Variants in KHDRBS3 observed in about 807,000 individuals in gnomAD.
The protein encoded by KHDRBS3 is KH RNA binding domain containing, signal transduction associated 3, also known as KH domain-containing, RNA-binding, signal transduction-associated protein 3.
A neutral mutation model predicts 45.6 loss-of-function variants in KHDRBS3; 23 were observed. That is an observed-to-expected ratio of 0.50 (90% CI 0.36 to 0.72). KHDRBS3 has a LOEUF of 0.72. Ranked by LOEUF, KHDRBS3 falls within the 30% of genes least tolerant of loss-of-function variation. The pLI, the probability that KHDRBS3 is intolerant of heterozygous loss-of-function variation, is 0.00. For synonymous variants in KHDRBS3, 162 were observed against 156.5 expected (o/e 1.04, Z -0.26); for missense variants, 352 against 424.8 (o/e 0.83, Z 1.51).
chr8:135,535,129 G>C (rs907083195), intron 2 of KHDRBS3, among the ~76,000 whole-genome samples: 10 of 151,794 alleles, frequency 6.6e-5, no homozygotes, highest in Non-Finnish European at 1.3e-4. Context: ...GAACTTTTCT[G>C]TCCCTAATTT....
At chr8:135,564,018 A>C (rs529005079) in intron 5 of KHDRBS3, among the ~76,000 whole-genome samples, 1 of 152,336 alleles carries the variant, frequency 6.6e-6, no homozygotes, top group South Asian at 2.1e-4. Context: ...TTAAGTGAGA[A>C]CATTAGGCTA....
chr8:135,520,636 G>A (rs1298279889), intron 1 of KHDRBS3, among the ~76,000 whole-genome samples: 2 of 152,140 alleles, frequency 1.3e-5, no homozygotes, highest in African/African-American at 4.8e-5. Context: ...GCACAGAAAA[G>A]GAGATTTAAT....
At chr8:135,548,941 G>C in intron 4 of KHDRBS3, 41 bp downstream of exon 4, 1 of 1,442,112 alleles carries the variant, frequency 6.9e-7, no homozygotes, top group Admixed American at 2.3e-5. Flanking sequence ...GTACTTTAAA[G>C]TCTTTGCTTT....
chr8:135,595,269 A>G (rs532589993), intron 6 of KHDRBS3, among the ~76,000 whole-genome samples: 1 of 152,160 alleles, frequency 6.6e-6, no homozygotes, highest in Non-Finnish European at 1.5e-5. Flanking sequence ...TGATCTGAGC[A>G]TTGGTTACTT....
chr8:135,484,928 G>T (rs1447849191), intron 1 of KHDRBS3, among the ~76,000 whole-genome samples: 1 of 152,098 alleles, frequency 6.6e-6, no homozygotes, highest in Non-Finnish European at 1.5e-5. Flanking sequence ...TTATTTTATA[G>T]ATGCTATTTG....
intron 1 of KHDRBS3, among the ~76,000 whole-genome samples, chr8:135,503,619 G>T (rs890483022): frequency 6.6e-5 from 10 of 151,564 alleles, no homozygotes. Context: ...CTCAGCTAGT[G>T]AGGTAGTAGG....
At chr8:135,588,918 T>G (rs965528911) in intron 6 of KHDRBS3, among the ~76,000 whole-genome samples, 1 of 152,148 alleles carries the variant, frequency 6.6e-6, no homozygotes, top group African/African-American at 2.4e-5. Context: ...TCCCCAGAGT[T>G]TCTTGTTAAG....
intron 7 of KHDRBS3, among the ~76,000 whole-genome samples, chr8:135,615,129 T>C (rs1430275312): frequency 2.0e-5 from 3 of 151,624 alleles, no homozygotes; most frequent in Non-Finnish European, 4.4e-5. Flanking sequence ...ATGGGTGGCG[T>C]GTTCTTGCTA....
At chr8:135,559,560 A>G (rs1158415124) in intron 5 of KHDRBS3, among the ~76,000 whole-genome samples, 1 of 151,914 alleles carries the variant, frequency 6.6e-6, no homozygotes, top group Non-Finnish European at 1.5e-5. Flanking sequence ...ACGGGGTTTC[A>G]CCCTGTTGGC....
chr8:135,615,523 C>A (rs1291943046), intron 7 of KHDRBS3, among the ~76,000 whole-genome samples: 1 of 152,028 alleles, frequency 6.6e-6, no homozygotes, highest in Non-Finnish European at 1.5e-5. Flanking sequence ...ATTTTCATTC[C>A]ATTATACTAG....
chr8:135,477,219 G>A (rs934031723), intron 1 of KHDRBS3, among the ~76,000 whole-genome samples: 3 of 152,040 alleles, frequency 2.0e-5, no homozygotes, highest in Admixed American at 2.0e-4. Flanking sequence ...TTGTTTTGTA[G>A]ATAATAAAAC....
chr8:135,487,429 A>G (rs1822918015), intron 1 of KHDRBS3, among the ~76,000 whole-genome samples: 1 of 152,192 alleles, frequency 6.6e-6, no homozygotes, highest in South Asian at 2.1e-4. Flanking sequence ...GCAGATACTG[A>G]ACTCTGGGCT....
intron 1 of KHDRBS3, among the ~76,000 whole-genome samples, chr8:135,483,383 G>T (rs1273423447): frequency 6.6e-6 from 1 of 152,100 alleles, no homozygotes; most frequent in Admixed American, 6.5e-5. Context: ...TGCCATTAGT[G>T]GTTTGTTGTG....
chr8:135,584,480 C>T (rs1828368717), intron 6 of KHDRBS3, among the ~76,000 whole-genome samples: 2 of 152,180 alleles, frequency 1.3e-5, no homozygotes, highest in Admixed American at 6.5e-5. Context: ...TTATAGCTTT[C>T]CCACTTAATT....
At chr8:135,470,089 G>A (rs140525158) in intron 1 of KHDRBS3, among the ~76,000 whole-genome samples, 180 of 152,196 alleles carry the variant, frequency 1.2e-3, no homozygotes, top group African/African-American at 3.7e-3. Context: ...CAGGCTATTC[G>A]TCTTCCTCTC....
intron 1 of KHDRBS3, among the ~76,000 whole-genome samples, chr8:135,504,692 T>C (rs1356151392): frequency 6.6e-6 from 1 of 152,228 alleles, no homozygotes; most frequent in Non-Finnish European, 1.5e-5. Flanking sequence ...ATAGGTATGC[T>C]TCTCAAGGTA....
intron 8 of KHDRBS3, 85 bp from the exon 9 acceptor site, chr8:135,646,908 G>T (rs1831312959): frequency 1.3e-6 from 1 of 771,140 alleles, no homozygotes; most frequent in African/African-American, 1.7e-5. Flanking sequence ...TGTACCTTTG[G>T]TTCAGGGCTA....
rs148815886 is a variant in KHDRBS3, at chr8:135,601,175, C to T, written c.808-5780C>T. Reference sequence around the variant, plus strand: ...ATTTGGCCTGCTTTGCCTCTAGAGGCATTCAGTCCAGCAATGTAATGAACA... The same window carrying T: ...ATTTGGCCTGCTTTGCCTCTAGAGGTATTCAGTCCAGCAATGTAATGAACA... On this transcript the variant is annotated intron_variant, in intron 6 of 8. Coordinates refer to ENST00000355849, the MANE Select transcript of KHDRBS3 (RefSeq NM_006558.3). Among the ~76,000 whole-genome samples, 459 of 152,322 alleles carry T rather than the reference C, an allele frequency of 3.0e-3. 4 individuals carry two copies. Among genetic ancestry groups the T allele is most frequent in the African/African-American group, 0.01 (429 of 41,572 alleles).
chr8:135,648,898 T>A (rs896742255), downstream of KHDRBS3, among the ~76,000 whole-genome samples: 98 of 152,050 alleles, frequency 6.4e-4, no homozygotes, highest in Non-Finnish European at 8.4e-4. Flanking sequence ...AAAAAAAAAA[T>A]TCCAGATTAT....
Sources: allele counts gnomAD v4.1 joint callset (sites outside exome capture counted in the v4.1 genomes callset), GRCh38; gene constraint gnomAD v4.1.1; transcripts MANE v1.5; gene names NCBI Gene and HGNC (gene_info 2026-07-23, HGNC 2026-07-21).